The following SHISA9 variants were observed in gnomAD, a reference collection of about 807,000 sequenced individuals.
SHISA9 encodes shisa family member 9.
Under a neutral mutation model 38.0 loss-of-function variants are expected in SHISA9, and 13 were observed. The ratio of observed to expected loss-of-function variants is 0.34; its 90% CI spans 0.22 to 0.54. The LOEUF is 0.54. SHISA9 is among the 20% of genes least tolerant of loss of function. The pLI, the probability that SHISA9 is intolerant of heterozygous loss-of-function variation, is 0.91. For missense variants in SHISA9, 538 were observed against 575.8 expected (o/e 0.93, Z 0.67); for synonymous variants, 275 against 242.0 (o/e 1.14, Z -1.27).
At chr16:13,028,316 A>G (rs2072950081) in intron 2 of SHISA9, among the ~76,000 whole-genome samples, 1 of 152,176 alleles carries the variant, frequency 6.6e-6, no homozygotes, top group Admixed American at 6.5e-5. Flanking sequence ...GGAAGTGATA[A>G]AGGGAGCTGC....
At chr16:12,930,507 C>A (rs1286134759) in intron 2 of SHISA9, among the ~76,000 whole-genome samples, 1 of 152,178 alleles carries the variant, frequency 6.6e-6, no homozygotes, top group Non-Finnish European at 1.5e-5. Context: ...AAAGCATTTT[C>A]CTCCTTTTCA....
chr16:12,985,769 G>T (rs1189890248), intron 2 of SHISA9, among the ~76,000 whole-genome samples: 2 of 152,146 alleles, frequency 1.3e-5, no homozygotes, highest in African/African-American at 4.8e-5. Context: ...TGACTTTCCT[G>T]TGCTTTTGCT....
the SHISA9 span, among the ~76,000 whole-genome samples, chr16:13,417,161 A>C: frequency 1.3e-5 from 2 of 152,212 alleles, no homozygotes; most frequent in Non-Finnish European, 2.9e-5. Context: ...GGATTGATGC[A>C]GTCGTTCTCA....
the SHISA9 span, among the ~76,000 whole-genome samples, chr16:13,437,921 A>T: frequency 1.8e-4 from 26 of 143,138 alleles, no homozygotes; most frequent in African/African-American, 5.6e-4. Flanking sequence ...GCTGGAGTGC[A>T]GTGACGTGAT....
chr16:13,337,185 C>T, the SHISA9 span, among the ~76,000 whole-genome samples: 1 of 152,148 alleles, frequency 6.6e-6, no homozygotes, highest in African/African-American at 2.4e-5. Context: ...TGTGTCCCCA[C>T]CCCAGTCTCA....
chr16:13,333,600 G>A, the SHISA9 span, among the ~76,000 whole-genome samples: 2 of 152,142 alleles, frequency 1.3e-5, no homozygotes, highest in Non-Finnish European at 2.9e-5. Flanking sequence ...TTTTCGAAGG[G>A]ATAAATTGTC....
At chr16:12,934,288 C>T (rs760136722) in intron 2 of SHISA9, among the ~76,000 whole-genome samples, 25 of 152,184 alleles carry the variant, frequency 1.6e-4, no homozygotes, top group Non-Finnish European at 3.1e-4. Flanking sequence ...TTATACATGT[C>T]CTATTGTGTG....
At chr16:12,940,983 G>A (rs971330419) in intron 2 of SHISA9, among the ~76,000 whole-genome samples, 3 of 152,194 alleles carry the variant, frequency 2.0e-5, no homozygotes, top group African/African-American at 7.2e-5. Context: ...CAGTTATCAT[G>A]TTTTGCTACC....
chr16:13,069,665 G>T (rs1011658876), intron 2 of SHISA9, among the ~76,000 whole-genome samples: 3 of 151,954 alleles, frequency 2.0e-5, no homozygotes, highest in African/African-American at 7.2e-5. Flanking sequence ...GTGTATGTAT[G>T]TGTGTGTGTG....
the SHISA9 span, among the ~76,000 whole-genome samples, chr16:13,251,821 C>A: frequency 6.6e-6 from 1 of 152,186 alleles, no homozygotes; most frequent in African/African-American, 2.4e-5. Flanking sequence ...GATGAACCAG[C>A]CTGGATCTCC....
the SHISA9 span, among the ~76,000 whole-genome samples, chr16:13,252,374 C>T: frequency 6.6e-6 from 1 of 152,186 alleles, no homozygotes; most frequent in African/African-American, 2.4e-5. Context: ...TTGCTACTGG[C>T]ATGTAGTGCA....
chr16:13,061,391 T>A (rs1166763502), intron 2 of SHISA9, among the ~76,000 whole-genome samples: 2 of 152,226 alleles, frequency 1.3e-5, no homozygotes, highest in Non-Finnish European at 2.9e-5. Flanking sequence ...ATCCTTTTTT[T>A]GGTTGTTATT....
At chr16:13,137,538 G>A (rs917383302) in intron 2 of SHISA9, among the ~76,000 whole-genome samples, 11 of 147,142 alleles carry the variant, frequency 7.5e-5, no homozygotes, top group African/African-American at 2.8e-4. Flanking sequence ...TCACTGCAAC[G>A]TCCGCCTCCC....
At chr16:13,496,237 T>C in the SHISA9 span, among the ~76,000 whole-genome samples, 1 of 152,152 alleles carries the variant, frequency 6.6e-6, no homozygotes, top group African/African-American at 2.4e-5. Flanking sequence ...TCTCATTTTT[T>C]TTCCTCCATA....
At chr16:13,272,031 A>AG in the SHISA9 span, among the ~76,000 whole-genome samples, 1 of 151,676 alleles carries the variant, frequency 6.6e-6, no homozygotes, top group Non-Finnish European at 1.5e-5. Flanking sequence ...GTGAGCTGCG[A>AG]TTGTGCCACA....
chr16:13,415,008 G>A, the SHISA9 span, among the ~76,000 whole-genome samples: 1 of 152,268 alleles, frequency 6.6e-6, no homozygotes, highest in African/African-American at 2.4e-5. Flanking sequence ...CAACTGGATT[G>A]GCTATAGCTC....
the SHISA9 span, among the ~76,000 whole-genome samples, chr16:13,470,080 C>A: frequency 2.0e-5 from 3 of 152,106 alleles, no homozygotes; most frequent in Non-Finnish European, 4.4e-5. Flanking sequence ...CCTTTTCTTT[C>A]CCCTATTTAC....
the SHISA9 span, among the ~76,000 whole-genome samples, chr16:13,344,838 T>G: frequency 6.6e-5 from 10 of 152,070 alleles, no homozygotes; most frequent in Admixed American, 6.5e-4. Flanking sequence ...CCTATGTTCT[T>G]GGTCATTACA....
the SHISA9 span, among the ~76,000 whole-genome samples, chr16:13,318,518 G>C: frequency 6.6e-6 from 1 of 152,130 alleles, no homozygotes; most frequent in Non-Finnish European, 1.5e-5. Context: ...TAGAGACAGA[G>C]TTTCACCATA....
Sources: allele counts gnomAD v4.1 joint callset (sites outside exome capture counted in the v4.1 genomes callset), GRCh38; gene constraint gnomAD v4.1.1; transcripts MANE v1.5; gene names NCBI Gene and HGNC (gene_info 2026-07-23, HGNC 2026-07-21).